GABRG3: variants seen among roughly 807,000 people sequenced by gnomAD.
GABRG3 encodes gamma-aminobutyric acid receptor subunit gamma-3.
In GABRG3, 25 loss-of-function variants were observed where a neutral mutation model predicts 48.8. The ratio of observed to expected loss-of-function variants is 0.51; its 90% confidence interval spans 0.37 to 0.72. The LOEUF is 0.72. GABRG3 is among the 30% of genes least tolerant of loss of function. The probability of loss-of-function intolerance (pLI) is 0.00; values close to 1 mark genes in which losing one functional copy is unlikely to be tolerated. For missense variants in GABRG3, 394 were observed against 577.9 expected, an observed-to-expected ratio of 0.68 and a Z score of 3.26; for synonymous variants, 227 against 217.6, an observed-to-expected ratio of 1.04 and a Z score of -0.38.
Position 27,516,673 on chromosome 15 carries a change from A to T in GABRG3, c.713-3299A>T, listed in dbSNP as rs1363790465. On this transcript the variant is annotated intron_variant, in intron 6 of 9. Coordinates refer to ENST00000615808, the MANE Select transcript of GABRG3 (RefSeq NM_033223.5). Reference sequence around the variant, plus strand: ...AGAATGTGAACATGGAATCACTGAGAGCAAATAAATGCATGTCAGTCTCTC... The same window carrying T: ...AGAATGTGAACATGGAATCACTGAGTGCAAATAAATGCATGTCAGTCTCTC... 3.9e-5 allele frequency among the ~76,000 whole-genome samples: 6 copies of T among 152,240 alleles called. No individual in the cohort carries two copies. In the East Asian group the frequency reaches 1.2e-3, roughly 29 times the overall value.
At chr15:27,243,614 T>C (rs990322881) in intron 3 of GABRG3, among the ~76,000 whole-genome samples, 4 of 152,228 alleles carry the variant, frequency 2.6e-5, no homozygotes, top group Non-Finnish European at 5.9e-5. Context: ...TTGGGCTGAC[T>C]GTTTGCAGAG....
chr15:27,139,267 G>T (rs748676284), intron 3 of GABRG3, among the ~76,000 whole-genome samples: 20 of 151,638 alleles, frequency 1.3e-4, no homozygotes, highest in South Asian at 2.1e-4. Context: ...GGCTGGTTTG[G>T]GGGGTGCAGA....
chr15:27,104,809 C>T (rs1354115945), intron 3 of GABRG3, among the ~76,000 whole-genome samples: 1 of 152,184 alleles, frequency 6.6e-6, no homozygotes, highest in Admixed American at 6.5e-5. Context: ...TTTCTTTCCA[C>T]TGTTGTCTAT....
At chr15:27,484,579 T>A (rs188842667) in intron 6 of GABRG3, among the ~76,000 whole-genome samples, 289 of 152,270 alleles carry the variant, frequency 1.9e-3, no homozygotes, top group Non-Finnish European at 3.0e-3. Flanking sequence ...ATAAGTACCC[T>A]TAGTGCCCAG....
intron 3 of GABRG3, among the ~76,000 whole-genome samples, chr15:27,252,210 T>C (rs1890479591): frequency 6.6e-6 from 1 of 152,192 alleles, no homozygotes; most frequent in South Asian, 2.1e-4. Context: ...TGGGCTGGCC[T>C]GGCCTCCTCA....
intron 6 of GABRG3, among the ~76,000 whole-genome samples, chr15:27,501,162 A>G (rs540614388): frequency 1.1e-3 from 162 of 152,228 alleles, no homozygotes; most frequent in African/African-American, 3.7e-3. Flanking sequence ...CGTGTTAACC[A>G]GGATGGTCTC....
At chr15:27,331,815 T>C (rs1012512263) in intron 5 of GABRG3, among the ~76,000 whole-genome samples, 19 of 152,344 alleles carry the variant, frequency 1.2e-4, no homozygotes, top group Non-Finnish European at 2.1e-4. Context: ...AATTCTGTAC[T>C]TTCTGCTCAA....
intron 3 of GABRG3, among the ~76,000 whole-genome samples, chr15:27,192,788 T>G (rs1888363671): frequency 6.6e-6 from 1 of 152,174 alleles, no homozygotes; most frequent in Non-Finnish European, 1.5e-5. Context: ...GGAGGAGAGG[T>G]GCTCTGCTTT....
At chr15:27,181,763 G>T (rs996289896) in intron 3 of GABRG3, among the ~76,000 whole-genome samples, 8 of 152,064 alleles carry the variant, frequency 5.3e-5, no homozygotes, top group African/African-American at 1.9e-4. Context: ...AGATCCCAAC[G>T]CTCAGAAGTG....
intron 3 of GABRG3, among the ~76,000 whole-genome samples, chr15:27,081,413 A>G (rs1314780041): frequency 6.6e-6 from 1 of 151,728 alleles, no homozygotes; most frequent in East Asian, 1.9e-4. Flanking sequence ...ACTTTTATTA[A>G]ATATTCATTT....
intron 3 of GABRG3, among the ~76,000 whole-genome samples, chr15:27,054,664 A>T (rs974784930): frequency 1.3e-5 from 2 of 152,176 alleles, no homozygotes; most frequent in African/African-American, 4.8e-5. Context: ...GATCCGTCAG[A>T]TGGAATGGAT....
chr15:27,248,803 C>CACACACACAGAG (rs1377080195), intron 3 of GABRG3, among the ~76,000 whole-genome samples: 42 of 110,238 alleles, frequency 3.8e-4, no homozygotes, highest in South Asian at 2.0e-3. Flanking sequence ...CACACACACA[C>CACACACACAGAG]AGAGAGAGAG....
At chr15:27,213,440 C>G (rs1889135888) in intron 3 of GABRG3, among the ~76,000 whole-genome samples, 1 of 152,198 alleles carries the variant, frequency 6.6e-6, no homozygotes. Flanking sequence ...AAAGCAGAAA[C>G]AGGGAGCAAA....
intron 5 of GABRG3, among the ~76,000 whole-genome samples, chr15:27,356,310 C>G (rs532873346): frequency 2.5e-4 from 38 of 152,288 alleles, no homozygotes; most frequent in African/African-American, 8.7e-4. Flanking sequence ...AAGTTGACCT[C>G]TCACAACTCT....
intron 6 of GABRG3, among the ~76,000 whole-genome samples, chr15:27,519,169 A>T (rs1891098856): frequency 6.6e-6 from 1 of 152,160 alleles, no homozygotes; most frequent in African/African-American, 2.4e-5. Flanking sequence ...TGGAGGATTC[A>T]AATGGGGAGG....
chr15:27,354,433 C>G lies in GABRG3; in HGVS notation c.574+25545C>G, dbSNP rs112500080. 1.0e-2 allele frequency among the ~76,000 whole-genome samples: 1,520 copies of G among 152,228 alleles called. 30 individuals carry two copies. The highest frequency in any genetic ancestry group is 0.035 in the African/African-American group (1,435 of 41,532). On this transcript the variant is annotated intron_variant, in intron 5 of 9. Coordinates refer to ENST00000615808, the MANE Select transcript of GABRG3 (RefSeq NM_033223.5). ...TATGCTTAATGGAATATGACTTGAC[C>G]CATGCCTACATGGCTATGGAACTGC...
At position 27,535,862 on chromosome 15, in the gene GABRG3, C is replaced by G. The variant is rs898519929; in HGVS notation, c.*2981C>G. Reference sequence around the variant, plus strand: ...GTGGGGAGAGTGGGAAGGAAGTACGCTTTCTTTCACTAAAGACTCTCTTTG... The same window carrying G: ...GTGGGGAGAGTGGGAAGGAAGTACGGTTTCTTTCACTAAAGACTCTCTTTG... On this transcript the variant is annotated 3_prime_UTR_variant, in exon 10 of 10. Transcript: ENST00000615808. 1 of 152,272 alleles carries G rather than the reference C, an allele frequency of 6.6e-6. No individual in the cohort carries two copies. Among genetic ancestry groups the G allele is most frequent in the African/African-American group, 2.4e-5 (1 of 41,436 alleles). The allele number at this position is 152,272 out of a possible 1,614,324, so 9.4% of individuals were successfully genotyped here.
At chr15:27,228,189 T>C (rs1452660154) in intron 3 of GABRG3, among the ~76,000 whole-genome samples, 1 of 152,216 alleles carries the variant, frequency 6.6e-6, no homozygotes, top group Non-Finnish European at 1.5e-5. Flanking sequence ...TAAGCTCAGT[T>C]CCCAATAGTT....
intron 5 of GABRG3, among the ~76,000 whole-genome samples, chr15:27,383,175 G>A (rs1431442281): frequency 6.6e-6 from 1 of 152,172 alleles, no homozygotes; most frequent in African/African-American, 2.4e-5. Context: ...AACTGACCAT[G>A]CTGTCTTTAA....
Sources: gnomAD v4.1 joint callset for allele counts (sites outside exome capture counted in the v4.1 genomes callset) on GRCh38, gnomAD v4.1.1 for gene constraint, MANE v1.5 for transcripts, NCBI Gene and HGNC (gene_info 2026-07-23, HGNC 2026-07-21) for gene names.